The following OPTN variants were observed in gnomAD, a reference collection of about 807,000 sequenced individuals.
OPTN encodes the protein optineurin.
In OPTN, 54 loss-of-function variants were observed where a neutral mutation model predicts 70.4. That is an observed-to-expected ratio of 0.77 (90% confidence interval 0.62 to 0.96). The LOEUF (loss-of-function observed/expected upper bound fraction) is 0.96. Ranked by LOEUF, OPTN falls within the 40% of genes least tolerant of loss-of-function variation. The pLI, the probability that OPTN is intolerant of heterozygous loss-of-function variation, is 0.00. For synonymous variants in OPTN, 256 were observed against 248.5 expected (o/e 1.03, Z -0.28); for missense variants, 624 against 673.2 (o/e 0.93, Z 0.81).
chr10:13,108,906 G>T, intron 2 of OPTN: 1 of 569,474 alleles, frequency 1.8e-6, no homozygotes, highest in South Asian at 1.8e-5. Context: ...GCACACATGC[G>T]CGTGCACACA....
intron 1 of OPTN, chr10:13,104,814 A>G: frequency 4.4e-6 from 2 of 456,832 alleles, no homozygotes; most frequent in Non-Finnish European, 8.3e-6. Flanking sequence ...GAGATGTTCA[A>G]CAAAAGGTGG....
rs373981784 is a variant in OPTN, at chr10:13,133,499, C to T, written c.1533-3C>T. ...CACAGCGTGTTGCTTTTCGTCCTGG[C>T]AGGCAGTCCTTGATGGAGATGCAGA... On this transcript the variant is annotated splice_polypyrimidine_tract_variant and splice_region_variant and intron_variant, in intron 13 of 14. Transcript: ENST00000378747. The T allele has an allele frequency of 1.0e-4, 162 of 1,613,786 alleles. No individual in the cohort carries two copies. Among genetic ancestry groups the T allele is most frequent in the Middle Eastern group, 1.6e-4 (1 of 6,084 alleles).
In OPTN at chr10:13,133,499, C is replaced by A; in HGVS notation, c.1533-3C>A. 1.9e-6 allele frequency: 3 copies of A among 1,613,906 alleles called. No homozygotes were observed. The highest frequency in any genetic ancestry group is 2.5e-6 in the Non-Finnish European group (3 of 1,179,838). On this transcript the variant is annotated splice_polypyrimidine_tract_variant and splice_region_variant and intron_variant, in intron 13 of 14. Coordinates refer to ENST00000378747, the MANE Select transcript of OPTN (RefSeq NM_001008212.2). ...CACAGCGTGTTGCTTTTCGTCCTGGCAGGCAGTCCTTGATGGAGATGCAGA... is the reference window on the plus strand; with the variant it reads ...CACAGCGTGTTGCTTTTCGTCCTGGAAGGCAGTCCTTGATGGAGATGCAGA...
chr10:13,124,566 T>G (rs1272188686), intron 9 of OPTN, among the ~76,000 whole-genome samples: 2 of 152,236 alleles, frequency 1.3e-5, no homozygotes, highest in African/African-American at 4.8e-5. Context: ...TGGCATTTGC[T>G]TGTTTCTCTT....
chr10:13,119,065 ATG>A (rs1564361961), intron 7 of OPTN, 25 bp downstream of exon 7: 2 of 1,609,782 alleles, frequency 1.2e-6, no homozygotes, highest in Admixed American at 1.7e-5. Flanking sequence ...AACTTGAAAT[ATG>A]TGTTTTTTTA....
At chr10:13,115,457 TTATATAATATAGA>T (rs1833165012) in intron 5 of OPTN, among the ~76,000 whole-genome samples, 1 of 100,722 alleles carries the variant, frequency 9.9e-6, no homozygotes, top group African/African-American at 4.8e-5. Context: ...ATATTCTATA[TTATATAATATAGA>T]ATATATATAA....
At chr10:13,126,968 G>A (rs113074258) in intron 11 of OPTN, among the ~76,000 whole-genome samples, 1,808 of 152,230 alleles carry the variant, frequency 0.012, 35 homozygotes, top group African/African-American at 0.041. Context: ...AGGCTGCAGT[G>A]AGCTGTGATC....
intron 8 of OPTN, among the ~76,000 whole-genome samples, chr10:13,123,478 G>A (rs968336496): frequency 6.6e-6 from 1 of 152,204 alleles, no homozygotes; most frequent in African/African-American, 2.4e-5. Flanking sequence ...GTGAATAATA[G>A]TTCCCTGTTG....
intron 11 of OPTN, 57 bp downstream of exon 11, chr10:13,126,096 G>C: frequency 9.8e-7 from 1 of 1,016,130 alleles, no homozygotes; most frequent in South Asian, 1.3e-5. Context: ...ACTGTTGAAC[G>C]TTTTGTATAT....
chr10:13,117,739 G>A (rs931758820), intron 6 of OPTN, among the ~76,000 whole-genome samples: 6 of 152,148 alleles, frequency 3.9e-5, no homozygotes, highest in African/African-American at 1.2e-4. Flanking sequence ...GAGCCACTGC[G>A]CCCAGCTATC....
chr10:13,119,744 C>T (rs1390916527), intron 7 of OPTN, among the ~76,000 whole-genome samples: 1 of 152,198 alleles, frequency 6.6e-6, no homozygotes, highest in African/African-American at 2.4e-5. Flanking sequence ...TGACTTCAGC[C>T]ATCCTAGTGG....
rs563724066 is a variant in OPTN, at chr10:13,136,897, G to C, written c.*31G>C. On this transcript the variant is annotated 3_prime_UTR_variant, in exon 15 of 15. Transcript: ENST00000378747. ...GATGTATCACCTCCCCAAAACTGTT[G>C]GTAAATGTCAGATTTTTTCCTCCAA... 1 of 1,613,712 alleles carries C rather than the reference G, an allele frequency of 6.2e-7. No individual in the cohort carries two copies. Among genetic ancestry groups the C allele is most frequent in the South Asian group, 1.1e-5 (1 of 91,068 alleles).
At chr10:13,135,606 C>T (rs1398638639) in intron 14 of OPTN, among the ~76,000 whole-genome samples, 1 of 151,872 alleles carries the variant, frequency 6.6e-6, no homozygotes, top group Non-Finnish European at 1.5e-5. Flanking sequence ...CTGGCTTCTC[C>T]ACCACGTCTG....
intron 14 of OPTN, among the ~76,000 whole-genome samples, chr10:13,134,674 C>T (rs749640089): frequency 2.0e-5 from 3 of 152,092 alleles, no homozygotes; most frequent in Non-Finnish European, 4.4e-5. Flanking sequence ...GAGATCTGCC[C>T]ACGTCGGCCT....
At chr10:13,111,623 G>A (rs368917034) in intron 4 of OPTN, among the ~76,000 whole-genome samples, 75 of 151,882 alleles carry the variant, frequency 4.9e-4, no homozygotes, top group Non-Finnish European at 9.0e-4. Flanking sequence ...GCTTAAACCC[G>A]AGAGGTGGAG....
chr10:13,117,322 T>C lies in OPTN; in HGVS notation c.626+982T>C, dbSNP rs917860076. ...GTCTCGATCTCCTGACCTCGTGATC[T>C]GCCCGCCTTGGCCTCCCAAAGCGCT... On this transcript the variant is annotated intron_variant, in intron 6 of 14. Coordinates refer to ENST00000378747, the MANE Select transcript of OPTN (RefSeq NM_001008212.2). Among the ~76,000 whole-genome samples, 16 of 151,800 alleles carry C rather than the reference T, an allele frequency of 1.1e-4. No individual in the cohort carries two copies. In the East Asian group the frequency reaches 1.9e-3, roughly 18 times the overall value.
chr10:13,104,244 GTTTTTTTTTCTTTT>G (rs1230877807), intron 1 of OPTN, among the ~76,000 whole-genome samples: 1 of 130,826 alleles, frequency 7.6e-6, no homozygotes, highest in Non-Finnish European at 1.6e-5. Context: ...AGTTAAATTA[GTTTTTTTTTCTTTT>G]TTTTTTTTTT....
Position 13,136,916 on chromosome 10 carries a change from C to T in OPTN, c.*50C>T. Reference sequence around the variant, plus strand: ...ACTGTTGGTAAATGTCAGATTTTTTCCTCCAAGAGTTGTGCTTTTGTGTTA... The same window carrying T: ...ACTGTTGGTAAATGTCAGATTTTTTTCTCCAAGAGTTGTGCTTTTGTGTTA... On this transcript the variant is annotated 3_prime_UTR_variant, in exon 15 of 15. Coordinates refer to ENST00000378747, the MANE Select transcript of OPTN (RefSeq NM_001008212.2). 2.5e-6 allele frequency: 4 copies of T among 1,610,966 alleles called. No homozygotes were observed. The highest frequency in any genetic ancestry group is 3.4e-6 in the Non-Finnish European group (4 of 1,177,644).
intron 1 of OPTN, among the ~76,000 whole-genome samples, chr10:13,103,129 C>T (rs1158777300): frequency 2.0e-5 from 3 of 151,982 alleles, no homozygotes; most frequent in Non-Finnish European, 2.9e-5. Flanking sequence ...TCACAATATC[C>T]CTTCTAGTGT....
Sources: gnomAD v4.1 joint callset for allele counts (sites outside exome capture counted in the v4.1 genomes callset) on GRCh38, gnomAD v4.1.1 for gene constraint, MANE v1.5 for transcripts, NCBI Gene and HGNC (gene_info 2026-07-23, HGNC 2026-07-21) for gene names.